Variants in JADE1 observed in about 807,000 individuals in gnomAD.
The protein encoded by JADE1 is jade family PHD finger 1, also known as protein Jade-1.
JADE1 carries 14 observed loss-of-function variants against 81.8 expected under a neutral mutation model. The ratio of observed to expected loss-of-function variants is 0.17; its 90% CI spans 0.11 to 0.27. The LOEUF (loss-of-function observed/expected upper bound fraction) is 0.27. Among genes scored for constraint, JADE1 ranks in the 10% least tolerant of loss-of-function variants. The pLI, the probability that JADE1 is intolerant of heterozygous loss-of-function variation, is 1.00. For missense variants in JADE1, 690 were observed against 1,047.9 expected, an observed-to-expected ratio of 0.66 and a Z score of 4.71; for synonymous variants, 353 against 391.9, an observed-to-expected ratio of 0.90 and a Z score of 1.17.
At position 128,843,042 on chromosome 4, in the gene JADE1, C is replaced by A. The variant is rs995445099; in HGVS notation, c.138+4C>A. The stretch of plus-strand genomic sequence containing the variant: ...TGAAGATCGAAAGCCTTCAGAGGTA[C>A]TTCTTGAATGCTTGCCTGACCGTGC... On this transcript the variant is annotated splice_donor_region_variant and intron_variant, in intron 3 of 10. Coordinates refer to ENST00000226319, the MANE Select transcript of JADE1 (RefSeq NM_199320.4). 11 of 1,611,172 alleles carry A rather than the reference C, an allele frequency of 6.8e-6. No individual in the cohort carries two copies. Among genetic ancestry groups the A allele is most frequent in the Non-Finnish European group, 9.3e-6 (11 of 1,177,560 alleles).
chr4:128,848,458 C>G (rs566509730), intron 4 of JADE1, among the ~76,000 whole-genome samples: 17 of 152,306 alleles, frequency 1.1e-4, no homozygotes, highest in African/African-American at 3.8e-4. Flanking sequence ...GGATTACAGG[C>G]TTGGGCCACC....
At chr4:128,845,010 TC>T (rs1222198580) in intron 3 of JADE1, among the ~76,000 whole-genome samples, 7 of 152,246 alleles carry the variant, frequency 4.6e-5, no homozygotes. Context: ...AAAAGAGAGT[TC>T]AGCATTGTGA....
At chr4:128,834,617 C>G (rs1728829300) in intron 2 of JADE1, among the ~76,000 whole-genome samples, 1 of 147,734 alleles carries the variant, frequency 6.8e-6, no homozygotes, top group Admixed American at 6.9e-5. Flanking sequence ...TCACTGCAAG[C>G]TCTGCCTCCT....
chr4:128,815,699 G>A (rs1453901966), intron 1 of JADE1, among the ~76,000 whole-genome samples: 1 of 152,152 alleles, frequency 6.6e-6, no homozygotes, highest in East Asian at 1.9e-4. Context: ...ATAGGAATCT[G>A]TCACAGTTCT....
intron 8 of JADE1, among the ~76,000 whole-genome samples, chr4:128,860,012 A>T (rs1731190846): frequency 6.6e-6 from 1 of 152,200 alleles, no homozygotes; most frequent in African/African-American, 2.4e-5. Flanking sequence ...TGGCGTTTTT[A>T]CAAAGTCCTG....
intron 1 of JADE1, among the ~76,000 whole-genome samples, chr4:128,820,682 C>T (rs1007010380): frequency 6.6e-6 from 1 of 151,328 alleles, no homozygotes; most frequent in Non-Finnish European, 1.5e-5. Flanking sequence ...TTGGGAGTCT[C>T]TCTCTTTTTT....
chr4:128,833,389 A>C (rs142140445), intron 2 of JADE1, among the ~76,000 whole-genome samples: 107 of 152,268 alleles, frequency 7.0e-4, no homozygotes, highest in Non-Finnish European at 1.4e-3. Context: ...TGAGTACATA[A>C]TTTTGTCCTA....
intron 1 of JADE1, among the ~76,000 whole-genome samples, chr4:128,817,290 C>G (rs565643713): frequency 3.1e-4 from 18 of 58,202 alleles, no homozygotes; most frequent in Middle Eastern, 9.4e-3. Flanking sequence ...GTCCTCCCGC[C>G]CTGGCTTCCT....
chr4:128,848,509 C>T (rs1202798791), intron 4 of JADE1, among the ~76,000 whole-genome samples: 1 of 152,176 alleles, frequency 6.6e-6, no homozygotes, highest in Non-Finnish European at 1.5e-5. Context: ...CCCTCTCTCC[C>T]TCTTTTTTTT....
chr4:128,829,240 T>C (rs1728328639), intron 1 of JADE1, among the ~76,000 whole-genome samples: 1 of 152,186 alleles, frequency 6.6e-6, no homozygotes, highest in Non-Finnish European at 1.5e-5. Context: ...ATTGCCTGGT[T>C]ATGGGTGAGT....
At chr4:128,866,041 C>G (rs184003387) in intron 9 of JADE1, among the ~76,000 whole-genome samples, 1 of 152,052 alleles carries the variant, frequency 6.6e-6, no homozygotes, top group Non-Finnish European at 1.5e-5. Context: ...TAGGTCTGGC[C>G]CCTCGTTCTT....
intron 2 of JADE1, among the ~76,000 whole-genome samples, chr4:128,834,032 A>G (rs878977044): frequency 6.6e-6 from 1 of 152,190 alleles, no homozygotes; most frequent in South Asian, 2.1e-4. Context: ...AAAAAATTTG[A>G]AGACACATGT....
chr4:128,846,579 T>G lies in JADE1; in HGVS notation c.296+47T>G. ...AAGCCTCTCCACCCACCCTTGCTCT[T>G]CTTCCCTGACAGCAGGCATCTGAGA... On this transcript the variant is annotated intron_variant, in intron 4 of 10. Transcript: ENST00000226319. The surrounding 1 kb of genome is among the most constrained non-coding windows in gnomAD (Gnocchi z 4.0). 1.3e-6 allele frequency: 2 copies of G among 1,597,594 alleles called. No homozygotes were observed. The highest frequency in any genetic ancestry group is 1.7e-6 in the Non-Finnish European group (2 of 1,169,162).
chr4:128,830,225 A>G (rs556521145), intron 1 of JADE1, among the ~76,000 whole-genome samples: 4 of 147,786 alleles, frequency 2.7e-5, no homozygotes, highest in African/African-American at 5.0e-5. Flanking sequence ...CCCCACTTCT[A>G]TTGTTGTGTG....
intron 4 of JADE1, 59 bp from the exon 5 acceptor site, chr4:128,848,921 A>G: frequency 6.4e-7 from 1 of 1,561,908 alleles, no homozygotes; most frequent in African/African-American, 1.4e-5. Flanking sequence ...GCCTTGTGGC[A>G]CACTTCATTG....
At position 128,827,992 on chromosome 4, in the gene JADE1, G is replaced by T; in HGVS notation, c.-26-3741G>T. 7.7e-6 allele frequency: 4 copies of T among 519,758 alleles called. No individual in the cohort carries two copies. In the South Asian group the frequency reaches 3.3e-4, roughly 43 times the overall value. The allele number at this position is 519,758 out of a possible 1,614,324, so 32.2% of individuals were successfully genotyped here. On this transcript the variant is annotated intron_variant, in intron 1 of 10. Coordinates refer to ENST00000226319, the MANE Select transcript of JADE1 (RefSeq NM_199320.4). Reference sequence around the variant, plus strand: ...TTCAGGACTCAGCTCAGTCTTACCAGCCTCCTCTGACTCTTATCCACCTTT... The same window carrying T: ...TTCAGGACTCAGCTCAGTCTTACCATCCTCCTCTGACTCTTATCCACCTTT...
chr4:128,840,160 T>A (rs1729312334), intron 2 of JADE1, among the ~76,000 whole-genome samples: 1 of 152,220 alleles, frequency 6.6e-6, no homozygotes, highest in Non-Finnish European at 1.5e-5. Context: ...AGGAAAAGTT[T>A]TCAAATGAGT....
In JADE1 at chr4:128,842,367, T is replaced by C. The variant is rs565581992; in HGVS notation, c.53-586T>C. On this transcript the variant is annotated intron_variant, in intron 2 of 10. Transcript: ENST00000226319. The stretch of plus-strand genomic sequence containing the variant: ...CAGGCTGGAGTGCAGTGACGCAGTC[T>C]CGGCTCACTTCAGCCTCTGCCTCCT... Among the ~76,000 whole-genome samples the C allele has an allele frequency of 2.0e-5, 3 of 152,050 alleles. No homozygotes were observed. In the South Asian group the frequency reaches 6.2e-4, roughly 32 times the overall value.
rs1732442525 is a variant in JADE1 at position 128,874,670 on chromosome 4, A to G, written c.*2408A>G. Reference sequence around the variant, plus strand: ...GCTGGGAACTCTCTATGAGGTGGCCATAAGCAGCAACCAGCCCAAACACCC... The same window carrying G: ...GCTGGGAACTCTCTATGAGGTGGCCGTAAGCAGCAACCAGCCCAAACACCC... On this transcript the variant is annotated 3_prime_UTR_variant, in exon 11 of 11. Transcript: ENST00000226319. 2 of 152,718 alleles carry G rather than the reference A, an allele frequency of 1.3e-5. No homozygotes were observed. The highest frequency in any genetic ancestry group is 4.1e-4 in the South Asian group (2 of 4,820). 9.5% of individuals were successfully genotyped at this position (152,718 alleles called of 1,614,324 possible).
Sources: allele counts gnomAD v4.1 joint callset (sites outside exome capture counted in the v4.1 genomes callset), GRCh38; gene constraint gnomAD v4.1.1; non-coding constraint Gnocchi (gnomAD v3.1); transcripts MANE v1.5; gene names NCBI Gene and HGNC (gene_info 2026-07-23, HGNC 2026-07-21).